Variants in FER1L5 observed in about 807,000 individuals in gnomAD.
FER1L5 encodes fer-1 like family member 5.
A neutral mutation model predicts 279.9 loss-of-function variants in FER1L5; 187 were observed. The observed-to-expected ratio is 0.67, with a 90% CI of 0.59 to 0.75. The LOEUF (loss-of-function observed/expected upper bound fraction) is 0.75, where lower values mean the gene tolerates loss of function less well. Among genes scored for constraint, FER1L5 ranks in the 30% least tolerant of loss-of-function variants. FER1L5 has a pLI of 0.00. For missense variants in FER1L5, 2,091 were observed against 2,594.4 expected (o/e 0.81, Z 4.21); for synonymous variants, 921 against 989.7 (o/e 0.93, Z 1.30).
intron 1 of FER1L5, among the ~76,000 whole-genome samples, chr2:96,643,594 C>A (rs1469055163): frequency 1.3e-5 from 2 of 152,080 alleles, no homozygotes; most frequent in Non-Finnish European, 1.5e-5. Flanking sequence ...AGGGGACCCA[C>A]CTGCCTCGGC....
chr2:96,663,332 C>A, intron 13 of FER1L5, 107 bp from the exon 14 acceptor site: 1 of 1,031,448 alleles, frequency 9.7e-7, no homozygotes. Flanking sequence ...CCAAGCACCT[C>A]TGTGCTGTGG....
chr2:96,687,062 C>T (rs1025325260), intron 23 of FER1L5, among the ~76,000 whole-genome samples: 3 of 152,098 alleles, frequency 2.0e-5, no homozygotes, highest in African/African-American at 7.2e-5. Context: ...CCACCACCCC[C>T]ACCCCTGGCT....
intron 17 of FER1L5, among the ~76,000 whole-genome samples, chr2:96,669,573 C>T (rs943177273): frequency 1.3e-5 from 2 of 152,162 alleles, no homozygotes; most frequent in Non-Finnish European, 2.9e-5. Context: ...TGCAAAGAGG[C>T]CCTGGGAAGG....
rs1251211252 is a variant in FER1L5 at position 96,699,554 on chromosome 2, T to G, written c.4615T>G (p.Phe1539Val). 6.2e-7 allele frequency: 1 copy of G among 1,613,332 alleles called. No homozygotes were observed. The highest frequency in any genetic ancestry group is 8.5e-7 in the Non-Finnish European group (1 of 1,179,628). ...NTLDPIFGMM[F>V]ELTCNIPLEK... The stretch of plus-strand genomic sequence containing the variant: ...TCTCCAACACCTCACCCCTAGGATG[T>G]TTGAACTCACCTGCAACATACCCCT... The change falls in exon 43 of 53, where the codon TTT becomes GTT. Residue 1539 changes from phenylalanine (F) to valine (V), a missense_variant. Transcript: ENST00000624922.
chr2:96,651,960 C>T lies in FER1L5; in HGVS notation c.573C>T (p.Ser191=). The T allele has an allele frequency of 6.4e-7, 1 of 1,551,936 alleles. No homozygotes were observed. Among genetic ancestry groups the T allele is most frequent in the South Asian group, 1.2e-5 (1 of 84,062 alleles). The change falls in exon 7 of 53, where the codon TCC becomes TCT. Residue 191 remains serine (S), a synonymous_variant. Transcript: ENST00000624922. ...GNNIKPVVKV[S]IAGQQHQTRI... ...ACATCAAACCAGTGGTGAAGGTGTC[C>T]ATCGCAGGCCAGCAGCACCAGACAC...
At chr2:96,687,499 C>T (rs1297102397) in intron 23 of FER1L5, among the ~76,000 whole-genome samples, 2 of 152,252 alleles carry the variant, frequency 1.3e-5, no homozygotes, top group Non-Finnish European at 2.9e-5. Context: ...ATGATGCACA[C>T]TGGGCAACTG....
chr2:96,700,822 A>G (rs139861271), intron 45 of FER1L5, among the ~76,000 whole-genome samples: 1 of 152,310 alleles, frequency 6.6e-6, no homozygotes, highest in African/African-American at 2.4e-5. Flanking sequence ...AGACATGACA[A>G]CGCGGGTTCT....
intron 19 of FER1L5, among the ~76,000 whole-genome samples, chr2:96,682,926 A>C (rs559073504): frequency 6.6e-6 from 1 of 152,046 alleles, no homozygotes; most frequent in South Asian, 2.1e-4. Context: ...GACCACTTTA[A>C]ATTAAATTTT....
In FER1L5 at chr2:96,702,160, A is replaced by T; in HGVS notation, c.5159+117A>T. The T allele has an allele frequency of 1.3e-6, 2 of 1,568,518 alleles. No homozygotes were observed. On this transcript the variant is annotated intron_variant, in intron 46 of 52. Transcript: ENST00000624922. This position sits in a 1 kb window ranked among gnomAD's most constrained non-coding sequence, Gnocchi z 4.0. ...TAATTCGTTTCTCTATTGGGAAGAG[A>T]GGAAGCTCTACTGGGAGCTTTCTTC...
At chr2:96,692,203 C>A in intron 31 of FER1L5, 22 bp downstream of exon 31, 1 of 1,551,132 alleles carries the variant, frequency 6.4e-7, no homozygotes, top group South Asian at 1.2e-5. Flanking sequence ...GCAGCCTTGT[C>A]CCCAGCTGAG....
At chr2:96,665,881 C>T (rs527460337) in intron 14 of FER1L5, among the ~76,000 whole-genome samples, 1 of 152,226 alleles carries the variant, frequency 6.6e-6, no homozygotes, top group Non-Finnish European at 1.5e-5. Flanking sequence ...CCACCATGCC[C>T]GGCCCTGTTC....
chr2:96,646,671 A>C (rs1329763187), intron 2 of FER1L5, among the ~76,000 whole-genome samples: 2 of 151,910 alleles, frequency 1.3e-5, no homozygotes, highest in East Asian at 3.9e-4. Context: ...CTTCTCCCCC[A>C]CTCCGAGGAT....
At chr2:96,693,795 G>T in intron 32 of FER1L5, 108 bp downstream of exon 32, 3 of 1,478,016 alleles carry the variant, frequency 2.0e-6, no homozygotes, top group Non-Finnish European at 2.7e-6. Flanking sequence ...GAGGCCTGAC[G>T]TGCAGACAGC....
intron 10 of FER1L5, 107 bp from the exon 11 acceptor site, chr2:96,661,218 G>A: frequency 1.4e-6 from 1 of 695,132 alleles, no homozygotes; most frequent in Non-Finnish European, 2.4e-6. Flanking sequence ...AAAGCAGGAT[G>A]CCTGAGACCT....
chr2:96,694,238 C>A lies in FER1L5; in HGVS notation c.3637-122C>A. 7.8e-7 allele frequency: 1 copy of A among 1,289,646 alleles called. No individual in the cohort carries two copies. The highest frequency in any genetic ancestry group is 2.6e-5 in the East Asian group (1 of 39,168). The allele number at this position is 1,289,646 out of a possible 1,614,324, so 79.9% of individuals were successfully genotyped here. A position where few individuals can be genotyped will look rare whatever the true frequency, so the allele number is the denominator to read the frequency against. Reference sequence around the variant, plus strand: ...GCCTGACCAGCCTCTCCCCTAAGTCCCCCTGCCAGCCCCTACCCATGGGGC... The same window carrying A: ...GCCTGACCAGCCTCTCCCCTAAGTCACCCTGCCAGCCCCTACCCATGGGGC... On this transcript the variant is annotated intron_variant, in intron 33 of 52. Transcript: ENST00000624922. This position sits in a 1 kb window ranked among gnomAD's most constrained non-coding sequence, Gnocchi z 4.6.
At chr2:96,648,446 G>C (rs1053628445) in intron 4 of FER1L5, among the ~76,000 whole-genome samples, 5 of 152,246 alleles carry the variant, frequency 3.3e-5, no homozygotes, top group African/African-American at 1.2e-4. Flanking sequence ...AAGAAGGGAA[G>C]GCTGCAGATG....
At chr2:96,681,772 TTTTA>T (rs140007368) in intron 19 of FER1L5, among the ~76,000 whole-genome samples, 18,856 of 147,424 alleles carry the variant, frequency 0.13, 2,641 homozygotes, top group African/African-American at 0.35. Flanking sequence ...TGAGAGATTA[TTTTA>T]TTTATTTATT....
At chr2:96,652,124 T>A in intron 7 of FER1L5, 104 bp downstream of exon 7, 1 of 1,478,264 alleles carries the variant, frequency 6.8e-7, no homozygotes, top group East Asian at 2.5e-5. Flanking sequence ...TTCATGTGTT[T>A]GTTCCACAAG....
At chr2:96,700,561 AGAG>A (rs2077554423) in intron 45 of FER1L5, 90 bp downstream of exon 45, 3 of 1,567,046 alleles carry the variant, frequency 1.9e-6, no homozygotes, top group South Asian at 2.2e-5. Context: ...ATAGTCCACG[AGAG>A]GAGAAGGACA....
Sources: gnomAD v4.1 joint callset for allele counts (sites outside exome capture counted in the v4.1 genomes callset) on GRCh38, gnomAD v4.1.1 for gene constraint, Gnocchi (gnomAD v3.1) non-coding constraint, MANE v1.5 for transcripts, NCBI Gene and HGNC (gene_info 2026-07-23, HGNC 2026-07-21) for gene names.